Variants in MAP2K5 observed in about 807,000 individuals in gnomAD.
The protein encoded by MAP2K5 is dual specificity mitogen-activated protein kinase kinase 5.
Under a neutral mutation model 83.1 loss-of-function variants are expected in MAP2K5, and 49 were observed. The ratio of observed to expected loss-of-function variants is 0.59; its 90% CI spans 0.47 to 0.75. The LOEUF (loss-of-function observed/expected upper bound fraction) is 0.75, where lower values mean the gene tolerates loss of function less well. Among genes scored for constraint, MAP2K5 ranks in the 30% least tolerant of loss-of-function variants. The probability of loss-of-function intolerance (pLI) is 0.00; values close to 1 mark genes in which losing one functional copy is unlikely to be tolerated. For synonymous variants in MAP2K5, 202 were observed against 191.8 expected (o/e 1.05, Z -0.44); for missense variants, 457 against 557.5 (o/e 0.82, Z 1.82).
At chr15:67,639,221 A>G (rs535924925) in intron 9 of MAP2K5, among the ~76,000 whole-genome samples, 19 of 152,324 alleles carry the variant, frequency 1.2e-4, no homozygotes, top group African/African-American at 1.9e-4. Context: ...TTTGCGAACT[A>G]TGCATCTGAC....
chr15:67,617,262 A>G (rs949371526), intron 8 of MAP2K5, among the ~76,000 whole-genome samples: 2 of 152,184 alleles, frequency 1.3e-5, no homozygotes, highest in Non-Finnish European at 2.9e-5. Context: ...TTCTTTAATT[A>G]TATCCTACCT....
intron 21 of MAP2K5, 49 bp downstream of exon 21, chr15:67,772,801 G>A (rs764502448): frequency 2.0e-5 from 29 of 1,457,202 alleles, no homozygotes; most frequent in Non-Finnish European, 2.6e-5. Context: ...ATATATTTAT[G>A]TTTAACATTC....
At chr15:67,694,667 TA>T (rs2088201246) in intron 15 of MAP2K5, among the ~76,000 whole-genome samples, 4 of 152,204 alleles carry the variant, frequency 2.6e-5, no homozygotes, top group African/African-American at 9.6e-5. Flanking sequence ...GGTGGGACTG[TA>T]AACTAGTTCA....
chr15:67,610,269 T>C (rs1438465967), intron 8 of MAP2K5, among the ~76,000 whole-genome samples: 2 of 152,212 alleles, frequency 1.3e-5, no homozygotes, highest in Non-Finnish European at 2.9e-5. Context: ...AAACGTCCAC[T>C]TCTTGGCTGA....
At position 67,777,211 on chromosome 15, in the gene MAP2K5, T is replaced by A. The variant is rs1363043664; in HGVS notation, c.1242+4459T>A. On this transcript the variant is annotated intron_variant, in intron 21 of 21. Coordinates refer to ENST00000178640, the MANE Select transcript of MAP2K5 (RefSeq NM_145160.3). This position sits in a 1 kb window ranked among gnomAD's most constrained non-coding sequence, Gnocchi z 6.0. ...GTTCAGCAGGGCTTTGCACCAGCTG[T>A]CAGGCAGCCCTTTAACTTCCCTGCC... Among the ~76,000 whole-genome samples, 2 of 152,134 alleles carry A rather than the reference T, an allele frequency of 1.3e-5. No homozygotes were observed. The highest frequency in any genetic ancestry group is 4.8e-5 in the African/African-American group (2 of 41,418).
intron 19 of MAP2K5, among the ~76,000 whole-genome samples, chr15:67,767,226 A>G (rs2090057332): frequency 6.6e-6 from 1 of 152,202 alleles, no homozygotes; most frequent in African/African-American, 2.4e-5. Context: ...TTTGTTTCTC[A>G]TCCGTTTTTA....
chr15:67,805,678 C>T (rs2090789830), intron 21 of MAP2K5, among the ~76,000 whole-genome samples: 1 of 152,228 alleles, frequency 6.6e-6, no homozygotes, highest in African/African-American at 2.4e-5. Context: ...CCCTCATCTC[C>T]CCCATTCTCT....
Position 67,750,817 on chromosome 15 carries a change from C to T in MAP2K5, c.1134+2216C>T, listed in dbSNP as rs762553316. Among the ~76,000 whole-genome samples, 1 of 151,922 alleles carries T rather than the reference C, an allele frequency of 6.6e-6. No homozygotes were observed. Among genetic ancestry groups the T allele is most frequent in the East Asian group, 1.9e-4 (1 of 5,174 alleles). On this transcript the variant is annotated intron_variant, in intron 19 of 21. Transcript: ENST00000178640. The surrounding 1 kb of genome is among the most constrained non-coding windows in gnomAD (Gnocchi z 4.2). ...GAATATGCCCAGTTGGGATTTGAGC[C>T]GTTTTACTGCTTGGGAGTGGGATTT...
At chr15:67,568,463 A>G (rs1368081959) in intron 3 of MAP2K5, among the ~76,000 whole-genome samples, 4 of 152,292 alleles carry the variant, frequency 2.6e-5, no homozygotes, top group African/African-American at 7.2e-5. Context: ...CTTTCATTTT[A>G]CAAATAAGGA....
chr15:67,605,190 G>T (rs190225337), intron 8 of MAP2K5, among the ~76,000 whole-genome samples: 2 of 151,954 alleles, frequency 1.3e-5, no homozygotes, highest in East Asian at 3.9e-4. Context: ...GAGTAGCTGG[G>T]ATTACAGGCA....
chr15:67,649,232 A>G (rs528262636), intron 11 of MAP2K5, among the ~76,000 whole-genome samples: 5 of 152,124 alleles, frequency 3.3e-5, no homozygotes, highest in Non-Finnish European at 7.4e-5. Context: ...TTTTTAAATG[A>G]GTTATTGGGC....
At chr15:67,606,602 G>A (rs1252005532) in intron 8 of MAP2K5, among the ~76,000 whole-genome samples, 1 of 152,180 alleles carries the variant, frequency 6.6e-6, no homozygotes, top group African/African-American at 2.4e-5. Flanking sequence ...GTGGGCTGGG[G>A]ATGGTCCTTG....
At position 67,791,039 on chromosome 15, in the gene MAP2K5, T is replaced by G. The variant is rs576747362; in HGVS notation, c.1243-15607T>G. 3.3e-5 allele frequency among the ~76,000 whole-genome samples: 5 copies of G among 152,282 alleles called. No homozygotes were observed. In the East Asian group the frequency reaches 9.6e-4, roughly 29 times the overall value. ...TATTACCTGTCTACCCAGAGAGAGCTCCTCACGCCATGAATAGTCCACCTG... is the reference window on the plus strand; with the variant it reads ...TATTACCTGTCTACCCAGAGAGAGCGCCTCACGCCATGAATAGTCCACCTG... On this transcript the variant is annotated intron_variant, in intron 21 of 21. Transcript: ENST00000178640.
intron 21 of MAP2K5, among the ~76,000 whole-genome samples, chr15:67,805,997 G>GA (rs2090796846): frequency 6.6e-6 from 1 of 152,154 alleles, no homozygotes; most frequent in African/African-American, 2.4e-5. Flanking sequence ...AAGTGGGTTA[G>GA]AACCAGAGGC....
chr15:67,624,718 C>T (rs193198008), intron 8 of MAP2K5, among the ~76,000 whole-genome samples: 18 of 151,930 alleles, frequency 1.2e-4, no homozygotes, highest in African/African-American at 4.3e-4. Flanking sequence ...CACCGTCTGC[C>T]TCCTGGGTTC....
intron 12 of MAP2K5, among the ~76,000 whole-genome samples, chr15:67,661,762 A>G (rs569024195): frequency 2.0e-4 from 31 of 152,202 alleles, no homozygotes; most frequent in African/African-American, 7.2e-4. Context: ...GTGGTGAGCT[A>G]TCTTTAATGG....
intron 8 of MAP2K5, among the ~76,000 whole-genome samples, chr15:67,621,059 AAT>A (rs2086172166): frequency 2.3e-5 from 1 of 43,812 alleles, no homozygotes; most frequent in South Asian, 1.1e-3. Context: ...ATTGGGAGAA[AAT>A]TTAAAATACC....
At position 67,712,209 on chromosome 15, in the gene MAP2K5, A is replaced by G. The variant is rs1422468523; in HGVS notation, c.1044+8801A>G. ...CGTGATTACTTTACACTCAAAGATT[A>G]CTTTTCAGGCAGGAGATAGCAGAGA... is the stretch of plus-strand genomic sequence containing the variant. On this transcript the variant is annotated intron_variant, in intron 16 of 21. Transcript: ENST00000178640. Among the ~76,000 whole-genome samples the G allele has an allele frequency of 1.1e-4, 16 of 152,214 alleles. 1 individual carries two copies. The highest frequency in any genetic ancestry group is 1.0e-3 in the Admixed American group (16 of 15,282).
intron 16 of MAP2K5, among the ~76,000 whole-genome samples, chr15:67,714,444 A>G (rs900399406): frequency 1.8e-4 from 25 of 135,288 alleles, no homozygotes; most frequent in Admixed American, 1.5e-3. Flanking sequence ...AAAAAAAAAA[A>G]AAAAAAAAAA....
Sources: gnomAD v4.1 joint callset for allele counts (sites outside exome capture counted in the v4.1 genomes callset) on GRCh38, gnomAD v4.1.1 for gene constraint, Gnocchi (gnomAD v3.1) non-coding constraint, MANE v1.5 for transcripts, NCBI Gene and HGNC (gene_info 2026-07-23, HGNC 2026-07-21) for gene names.